Variants in FGD4 observed in about 807,000 individuals in gnomAD.
The protein encoded by FGD4 is FYVE, RhoGEF and PH domain-containing protein 4.
Under a neutral mutation model 102.0 loss-of-function variants are expected in FGD4, and 42 were observed. The ratio of observed to expected loss-of-function variants is 0.41; its 90% CI spans 0.32 to 0.53. The LOEUF (loss-of-function observed/expected upper bound fraction) is 0.53, where lower values mean the gene tolerates loss of function less well. Ranked by LOEUF, FGD4 falls within the 20% of genes least tolerant of loss-of-function variation. The pLI is 0.21. For synonymous variants in FGD4, 380 were observed against 375.7 expected, an observed-to-expected ratio of 1.01 and a Z score of -0.13; for missense variants, 902 against 1,078.2, an observed-to-expected ratio of 0.84 and a Z score of 2.29.
intron 1 of FGD4, among the ~76,000 whole-genome samples, chr12:32,404,357 G>A (rs534048395): frequency 1.7e-4 from 26 of 151,798 alleles, no homozygotes; most frequent in Admixed American, 1.4e-3. Flanking sequence ...TCATCTCTGG[G>A]GAAGAGGGAT....
intron 1 of FGD4, among the ~76,000 whole-genome samples, chr12:32,407,784 T>C: frequency 6.6e-6 from 1 of 152,114 alleles, no homozygotes; most frequent in Non-Finnish European, 1.5e-5. Context: ...TGAGGTGAGC[T>C]CAACCGACCT....
At chr12:32,636,147 G>A (rs796953667) in intron 15 of FGD4, among the ~76,000 whole-genome samples, 35 of 152,140 alleles carry the variant, frequency 2.3e-4, no homozygotes, top group Middle Eastern at 3.4e-3. Flanking sequence ...GTAAGTGGTC[G>A]CGTAAAAAAA....
In FGD4 at chr12:32,506,312, T is replaced by TA. The variant is rs34189317; in HGVS notation, c.167-57819dup. On this transcript the variant is annotated intron_variant, in intron 1 of 16. Transcript: ENST00000534526. This position sits in a 1 kb window ranked among gnomAD's most constrained non-coding sequence, Gnocchi z 4.5. ...TTTGTCATTATAAATACCAAGCTTT[T>TA]AAAAAACATTAACTGCCAAGCCAAT... is the stretch of plus-strand genomic sequence containing the variant. Among the ~76,000 whole-genome samples, 23,433 of 152,170 alleles carry TA rather than the reference T, an allele frequency of 0.15. 2,379 individuals are homozygous for TA. The highest frequency in any genetic ancestry group is 0.29 in the African/African-American group (12,064 of 41,488).
At chr12:32,542,071 C>G (rs1942884495) in intron 1 of FGD4, among the ~76,000 whole-genome samples, 1 of 152,124 alleles carries the variant, frequency 6.6e-6, no homozygotes, top group Non-Finnish European at 1.5e-5. Flanking sequence ...AAAGTAGCAG[C>G]TTTTGGGTGA....
intron 11 of FGD4, among the ~76,000 whole-genome samples, chr12:32,621,418 A>G (rs1031716845): frequency 1.3e-5 from 2 of 152,226 alleles, no homozygotes; most frequent in Non-Finnish European, 1.5e-5. Context: ...AGTGGTGTCA[A>G]TATCCCAGAA....
At chr12:32,488,275 A>T (rs1943975660) in intron 1 of FGD4, among the ~76,000 whole-genome samples, 1 of 152,114 alleles carries the variant, frequency 6.6e-6, no homozygotes, top group Non-Finnish European at 1.5e-5. Context: ...TAGTGTACTG[A>T]CCTTTCTTGT....
At chr12:32,502,172 G>T in intron 1 of FGD4, 1 of 985,540 alleles carries the variant, frequency 1.0e-6, no homozygotes, top group Non-Finnish European at 1.2e-6. Flanking sequence ...TATCCTTGCT[G>T]GGCTGGGAAG....
At chr12:32,442,579 T>TC (rs1942479954) in intron 1 of FGD4, among the ~76,000 whole-genome samples, 1 of 149,930 alleles carries the variant, frequency 6.7e-6, no homozygotes, top group African/African-American at 2.5e-5. Context: ...TTTTTTTTTT[T>TC]TGGAGATGGA....
Position 32,644,154 on chromosome 12 carries a change from A to G in FGD4, c.*3621A>G, listed in dbSNP as rs890112068. The G allele has an allele frequency of 6.6e-6, 1 of 152,150 alleles. No homozygotes were observed. Among genetic ancestry groups the G allele is most frequent in the Non-Finnish European group, 1.5e-5 (1 of 67,992 alleles). The allele number at this position is 152,150 out of a possible 1,614,324, so 9.4% of individuals were successfully genotyped here. Reference sequence around the variant, plus strand: ...AAGTCAAGAATGTCTTAATGTTTTCATTCTTAAATTTTGTATTCTCCAAGA... The same window carrying G: ...AAGTCAAGAATGTCTTAATGTTTTCGTTCTTAAATTTTGTATTCTCCAAGA... On this transcript the variant is annotated 3_prime_UTR_variant, in exon 17 of 17. Transcript: ENST00000534526.
chr12:32,557,091 G>A (rs1484188017), intron 1 of FGD4: 1 of 152,174 alleles, frequency 6.6e-6, no homozygotes, highest in Non-Finnish European at 1.5e-5. Context: ...GACCTCAGGT[G>A]ATCTGCCCGC....
intron 1 of FGD4, among the ~76,000 whole-genome samples, chr12:32,562,851 C>G (rs1944744063): frequency 6.6e-6 from 1 of 152,254 alleles, no homozygotes; most frequent in African/African-American, 2.4e-5. Flanking sequence ...ACTTCTCAAT[C>G]TTTTCCCCAC....
At chr12:32,508,057 A>G (rs1015982600) in intron 1 of FGD4, among the ~76,000 whole-genome samples, 3 of 152,172 alleles carry the variant, frequency 2.0e-5, no homozygotes, top group African/African-American at 4.8e-5. Context: ...TGCTCAGCTA[A>G]GAGTATCATT....
chr12:32,418,076 C>T (rs949561598), intron 1 of FGD4, among the ~76,000 whole-genome samples: 20 of 151,728 alleles, frequency 1.3e-4, no homozygotes, highest in African/African-American at 4.6e-4. Context: ...CCTGCCTCAG[C>T]CTCCCGAGTA....
chr12:32,479,789 T>TC (rs1419266799), intron 1 of FGD4, among the ~76,000 whole-genome samples: 36 of 142,278 alleles, frequency 2.5e-4, no homozygotes, highest in African/African-American at 8.9e-4. Context: ...CATTATTCTT[T>TC]TTTTTTTTTT....
At chr12:32,467,289 G>A (rs1943283608) in intron 1 of FGD4, among the ~76,000 whole-genome samples, 1 of 152,080 alleles carries the variant, frequency 6.6e-6, no homozygotes, top group Admixed American at 6.6e-5. Context: ...TGCAATAAGG[G>A]CCTTATTAGA....
chr12:32,495,461 C>G (rs752112620), intron 1 of FGD4, among the ~76,000 whole-genome samples: 2 of 152,092 alleles, frequency 1.3e-5, no homozygotes, highest in African/African-American at 4.8e-5. Flanking sequence ...CTTTGGGAGG[C>G]TGAGGCGGGC....
chr12:32,567,432 A>G (rs1945279876), intron 2 of FGD4, among the ~76,000 whole-genome samples: 1 of 152,054 alleles, frequency 6.6e-6, no homozygotes, highest in Non-Finnish European at 1.5e-5. Context: ...ACAATAGGAC[A>G]TTGGTAGTAT....
At chr12:32,571,765 C>T (rs141872763) in intron 2 of FGD4, among the ~76,000 whole-genome samples, 43 of 152,070 alleles carry the variant, frequency 2.8e-4, no homozygotes, top group Middle Eastern at 3.4e-3. Context: ...TCTAGGTATG[C>T]GCCAAAGCCT....
chr12:32,619,410 C>T (rs1324653148), intron 10 of FGD4, among the ~76,000 whole-genome samples: 5 of 151,868 alleles, frequency 3.3e-5, no homozygotes, highest in East Asian at 1.9e-4. Flanking sequence ...GGGCGGATCA[C>T]GAGGTCAGGA....
Sources: allele counts gnomAD v4.1 joint callset (sites outside exome capture counted in the v4.1 genomes callset), GRCh38; gene constraint gnomAD v4.1.1; non-coding constraint Gnocchi (gnomAD v3.1); transcripts MANE v1.5; gene names NCBI Gene and HGNC (gene_info 2026-07-23, HGNC 2026-07-21).